TLK1: variants seen among roughly 807,000 people sequenced by gnomAD.
The protein encoded by TLK1 is tousled like kinase 1.
In TLK1, 24 loss-of-function variants were observed where a neutral mutation model predicts 105.3. That is an observed-to-expected ratio of 0.23 (90% confidence interval 0.17 to 0.32). The LOEUF (loss-of-function observed/expected upper bound fraction) is 0.32, where lower values mean the gene tolerates loss of function less well. Among genes scored for constraint, TLK1 ranks in the 10% least tolerant of loss-of-function variants. The pLI is 1.00. For synonymous variants in TLK1, 321 were observed against 310.4 expected (o/e 1.03, Z -0.36); for missense variants, 558 against 910.5 (o/e 0.61, Z 4.98).
intron 1 of TLK1, among the ~76,000 whole-genome samples, chr2:171,127,004 G>A (rs958782469): frequency 3.3e-5 from 5 of 151,772 alleles, no homozygotes; most frequent in East Asian, 1.9e-4. Context: ...GGCTGGGCAC[G>A]GTGGCTCACG....
intron 1 of TLK1, among the ~76,000 whole-genome samples, chr2:171,139,411 G>C (rs756006334): frequency 6.6e-6 from 1 of 151,878 alleles, no homozygotes. Flanking sequence ...CAGCCTGGAC[G>C]ACAAGGCGAA....
chr2:171,059,932 G>C, intron 4 of TLK1: 2 of 1,515,650 alleles, frequency 1.3e-6, no homozygotes, highest in Non-Finnish European at 1.8e-6. Flanking sequence ...ACCTCCTGCT[G>C]TACGACCCAT....
chr2:170,999,112 T>G (rs1219373086), intron 18 of TLK1, among the ~76,000 whole-genome samples: 2 of 152,172 alleles, frequency 1.3e-5, no homozygotes, highest in East Asian at 3.8e-4. Context: ...ATTTGTCATC[T>G]CCAGTTATAA....
At chr2:171,017,708 T>A (rs1011360848) in intron 12 of TLK1, among the ~76,000 whole-genome samples, 1 of 152,168 alleles carries the variant, frequency 6.6e-6, no homozygotes, top group African/African-American at 2.4e-5. Flanking sequence ...CATAAAAATC[T>A]TACAAAATCA....
intron 1 of TLK1, among the ~76,000 whole-genome samples, chr2:171,137,742 G>A (rs138777764): frequency 0.017 from 2,611 of 151,982 alleles, 80 homozygotes; most frequent in African/African-American, 0.059. Flanking sequence ...CCAGCTACTC[G>A]GGAGGCTGAG....
chr2:171,171,905 A>G (rs763902320), intron 1 of TLK1, among the ~76,000 whole-genome samples: 6 of 152,194 alleles, frequency 3.9e-5, no homozygotes, highest in Non-Finnish European at 8.8e-5. Flanking sequence ...TGATCCATCA[A>G]TTTCATTCCT....
Position 171,156,620 on chromosome 2 carries a change from A to G in TLK1, c.139+3670T>C, listed in dbSNP as rs1041970022. ...CCATTGTAAAGGAGACATCTGTCAC[A>G]TATCTATTCATGAGCTAGAATCCTT... On this transcript the variant is annotated intron_variant, in intron 1 of 20. Transcript: ENST00000431350. Among the ~76,000 whole-genome samples, 3 of 152,368 alleles carry G rather than the reference A, an allele frequency of 2.0e-5. No individual in the cohort carries two copies. In the East Asian group the frequency reaches 5.8e-4, roughly 29 times the overall value.
At chr2:171,157,262 T>C (rs962565064) in intron 1 of TLK1, among the ~76,000 whole-genome samples, 12 of 152,224 alleles carry the variant, frequency 7.9e-5, no homozygotes, top group African/African-American at 1.4e-4. Context: ...CATGTACTGA[T>C]ATGCAAAAAA....
intron 1 of TLK1, among the ~76,000 whole-genome samples, chr2:171,215,845 G>T (rs969887833): frequency 6.6e-6 from 1 of 152,134 alleles, no homozygotes; most frequent in Non-Finnish European, 1.5e-5. Flanking sequence ...GCGGTGGAAC[G>T]CTTTATTCCC....
chr2:170,993,226 A>G lies in TLK1; in HGVS notation c.*554T>C, dbSNP rs1347373264. On this transcript the variant is annotated 3_prime_UTR_variant, in exon 21 of 21. Coordinates refer to ENST00000431350, the MANE Select transcript of TLK1 (RefSeq NM_012290.5). ...CAAATGACAAAGCCTAACTTTGTCC[A>G]AAGATTCTAACTCTCACATTCTATT... 6.6e-6 allele frequency: 1 copy of G among 152,630 alleles called. No homozygotes were observed. The highest frequency in any genetic ancestry group is 1.5e-5 in the Non-Finnish European group (1 of 68,024). The allele number at this position is 152,630 out of a possible 1,614,324, so 9.5% of individuals were successfully genotyped here. A position where few individuals can be genotyped will look rare whatever the true frequency, so the allele number is the denominator to read the frequency against.
intron 1 of TLK1, among the ~76,000 whole-genome samples, chr2:171,128,025 G>A (rs962915387): frequency 6.6e-6 from 1 of 152,128 alleles, no homozygotes; most frequent in Non-Finnish European, 1.5e-5. Context: ...TGGTAGAGAA[G>A]ACAGGTCTAA....
intron 2 of TLK1, among the ~76,000 whole-genome samples, chr2:171,090,910 C>T (rs977603069): frequency 6.6e-6 from 1 of 152,134 alleles, no homozygotes; most frequent in Non-Finnish European, 1.5e-5. Context: ...TTTCCTCAGT[C>T]GCACTAGCCA....
chr2:171,196,212 G>A (rs143519292), intron 1 of TLK1, among the ~76,000 whole-genome samples: 2,710 of 151,584 alleles, frequency 0.018, 81 homozygotes, highest in African/African-American at 0.06. Flanking sequence ...TACCTCCCGG[G>A]TTCAAGTGAT....
intron 1 of TLK1, among the ~76,000 whole-genome samples, chr2:171,227,097 G>A (rs1311788243): frequency 6.6e-6 from 1 of 152,070 alleles, no homozygotes; most frequent in Admixed American, 6.6e-5. Flanking sequence ...ATGCCTCTCT[G>A]GCATACCATT....
chr2:171,132,121 A>G (rs550912277), intron 1 of TLK1, among the ~76,000 whole-genome samples: 1 of 152,318 alleles, frequency 6.6e-6, no homozygotes, highest in South Asian at 2.1e-4. Context: ...AAGAGGTTTA[A>G]TTGACTCACA....
At chr2:171,107,305 C>A (rs1008436272) in intron 2 of TLK1, among the ~76,000 whole-genome samples, 13 of 152,156 alleles carry the variant, frequency 8.5e-5, no homozygotes, top group Admixed American at 1.3e-4. Context: ...CCATTTTAGA[C>A]ACATTTCTCT....
At chr2:171,124,008 A>G (rs1345822478) in intron 1 of TLK1, among the ~76,000 whole-genome samples, 1 of 152,234 alleles carries the variant, frequency 6.6e-6, no homozygotes, top group Non-Finnish European at 1.5e-5. Flanking sequence ...TCAGTATGTC[A>G]TCACAGTGCA....
chr2:171,093,092 C>G (rs531482465), intron 2 of TLK1, among the ~76,000 whole-genome samples: 1 of 152,264 alleles, frequency 6.6e-6, no homozygotes, highest in African/African-American at 2.4e-5. Flanking sequence ...GCCTAAGTCT[C>G]CAAAGTTTCT....
intron 11 of TLK1, 137 bp from the exon 12 acceptor site, chr2:171,028,542 T>C (rs920246333): frequency 1.4e-5 from 8 of 590,838 alleles, no homozygotes; most frequent in African/African-American, 1.3e-4. Flanking sequence ...CAAAAATCCT[T>C]TGAGATATTC....
Sources: allele counts gnomAD v4.1 joint callset (sites outside exome capture counted in the v4.1 genomes callset), GRCh38; gene constraint gnomAD v4.1.1; transcripts MANE v1.5; gene names NCBI Gene and HGNC (gene_info 2026-07-23, HGNC 2026-07-21).